The following PTPRD variants were observed in gnomAD, a reference collection of about 807,000 sequenced individuals.
PTPRD encodes the protein receptor-type tyrosine-protein phosphatase delta.
In PTPRD, 34 loss-of-function variants were observed where a neutral mutation model predicts 214.5. The ratio of observed to expected loss-of-function variants is 0.16; its 90% CI spans 0.12 to 0.21. PTPRD has a LOEUF of 0.21. Among genes scored for constraint, PTPRD ranks in the 10% least tolerant of loss-of-function variants. The pLI is 1.00. For missense variants in PTPRD, 2,545 were observed against 2,398.7 expected (o/e 1.06, Z -1.27); for synonymous variants, 1,128 against 845.7 (o/e 1.33, Z -5.79).
chr9:9,919,880 G>A (rs937528171), intron 5 of PTPRD, among the ~76,000 whole-genome samples: 1 of 152,064 alleles, frequency 6.6e-6, no homozygotes. Context: ...GTGACATGTG[G>A]ATATAATAGG....
chr9:8,820,139 AT>A (rs2097020573), intron 11 of PTPRD, among the ~76,000 whole-genome samples: 1 of 152,196 alleles, frequency 6.6e-6, no homozygotes, highest in African/African-American at 2.4e-5. Context: ...CTTTCTATAT[AT>A]ACATATATGT....
chr9:10,171,216 T>G (rs929791837), intron 3 of PTPRD, among the ~76,000 whole-genome samples: 3 of 152,196 alleles, frequency 2.0e-5, no homozygotes, highest in African/African-American at 7.2e-5. Context: ...ATGGTTTGGC[T>G]GTGTCCCCAC....
intron 35 of PTPRD, among the ~76,000 whole-genome samples, chr9:8,426,149 G>A (rs1415307619): frequency 6.6e-6 from 1 of 152,186 alleles, no homozygotes; most frequent in Non-Finnish European, 1.5e-5. Context: ...AGCCACTTCT[G>A]TTGACCAAGC....
intron 8 of PTPRD, among the ~76,000 whole-genome samples, chr9:9,524,249 AGTTT>A (rs1347706082): frequency 6.6e-6 from 1 of 151,944 alleles, no homozygotes; most frequent in Non-Finnish European, 1.5e-5. Flanking sequence ...GCTTACCAAC[AGTTT>A]GTTTCTTTCC....
At position 8,484,462 on chromosome 9, in the gene PTPRD, G is replaced by A. The variant is rs1591687642; in HGVS notation, c.3154-84C>T. ...TCTAAACCAATGTGCACTAGCTTTT[G>A]GAAAATGTATATATAGTCAATTCTA... On this transcript the variant is annotated intron_variant, in intron 29 of 45. Transcript: ENST00000381196. 18 of 1,363,082 alleles carry A rather than the reference G, an allele frequency of 1.3e-5. No homozygotes were observed. In the East Asian group the frequency reaches 4.1e-4, roughly 31 times the overall value. The allele number at this position is 1,363,082 out of a possible 1,614,324, so 84.4% of individuals were successfully genotyped here.
At chr9:10,439,782 A>G (rs2098747079) in intron 2 of PTPRD, among the ~76,000 whole-genome samples, 1 of 151,682 alleles carries the variant, frequency 6.6e-6, no homozygotes. Flanking sequence ...TGGTGGGAGG[A>G]GCCAAGGGAG....
At chr9:8,608,813 T>G (rs1348473159) in intron 14 of PTPRD, among the ~76,000 whole-genome samples, 1 of 152,232 alleles carries the variant, frequency 6.6e-6, no homozygotes, top group Non-Finnish European at 1.5e-5. Context: ...TGGAAATTTC[T>G]CTTCAGGGAT....
At chr9:8,924,502 ATTC>A (rs902364690) in intron 11 of PTPRD, among the ~76,000 whole-genome samples, 3 of 152,184 alleles carry the variant, frequency 2.0e-5, no homozygotes, top group South Asian at 2.1e-4. Flanking sequence ...GGAGGCAAAT[ATTC>A]TTCTTGTAAC....
At chr9:9,366,415 C>A (rs2057905425) in intron 9 of PTPRD, among the ~76,000 whole-genome samples, 1 of 151,374 alleles carries the variant, frequency 6.6e-6, no homozygotes, top group African/African-American at 2.4e-5. Flanking sequence ...AAATGATTTT[C>A]ATTTCCTGGA....
intron 3 of PTPRD, among the ~76,000 whole-genome samples, chr9:10,263,902 GC>G (rs1000443033): frequency 4.6e-5 from 7 of 152,110 alleles, no homozygotes; most frequent in Non-Finnish European, 1.0e-4. Flanking sequence ...GCTGTTTGCT[GC>G]CTAGGGACTT....
chr9:8,966,476 A>G (rs1382635333), intron 11 of PTPRD, among the ~76,000 whole-genome samples: 1 of 152,010 alleles, frequency 6.6e-6, no homozygotes, highest in African/African-American at 2.4e-5. Flanking sequence ...TCCATCTGAT[A>G]TTCGACAAAG....
chr9:10,456,426 T>C (rs1407531640), intron 2 of PTPRD, among the ~76,000 whole-genome samples: 1 of 151,952 alleles, frequency 6.6e-6, no homozygotes, highest in Non-Finnish European at 1.5e-5. Context: ...TTTCAATTTA[T>C]TTTTGTTTGT....
chr9:8,628,804 C>T (rs529599926), intron 14 of PTPRD, among the ~76,000 whole-genome samples: 2 of 151,920 alleles, frequency 1.3e-5, no homozygotes, highest in South Asian at 2.1e-4. Context: ...AGTAGGTACA[C>T]ATAAGTATCA....
chr9:9,698,764 G>A (rs572781095), intron 7 of PTPRD, among the ~76,000 whole-genome samples: 1 of 152,264 alleles, frequency 6.6e-6, no homozygotes, highest in South Asian at 2.1e-4. Flanking sequence ...TTGTAATGGA[G>A]TATCCATAAG....
intron 3 of PTPRD, among the ~76,000 whole-genome samples, chr9:10,141,630 T>C (rs1378710873): frequency 1.3e-5 from 2 of 152,064 alleles, no homozygotes; most frequent in Non-Finnish European, 2.9e-5. Context: ...GAATATTCCA[T>C]GCTCATGGGT....
chr9:10,292,564 C>A (rs1204848619), intron 3 of PTPRD, among the ~76,000 whole-genome samples: 2 of 151,970 alleles, frequency 1.3e-5, no homozygotes, highest in Non-Finnish European at 2.9e-5. Context: ...AAATAGCCCA[C>A]AGAAAACATG....
At chr9:9,947,608 TTA>T (rs35525642) in intron 4 of PTPRD, among the ~76,000 whole-genome samples, 2,894 of 59,006 alleles carry the variant, frequency 0.049, 338 homozygotes, top group East Asian at 0.24. Flanking sequence ...TATATATATT[TTA>T]TATATATATA....
intron 39 of PTPRD, among the ~76,000 whole-genome samples, chr9:8,369,236 G>A (rs1431461852): frequency 6.6e-6 from 1 of 152,040 alleles, no homozygotes; most frequent in Non-Finnish European, 1.5e-5. Context: ...TAGCTTCTTT[G>A]GATCACAAGG....
rs547781082 is a variant in PTPRD, at chr9:9,023,464, A to G, written c.-142-4729T>C. Among the ~76,000 whole-genome samples the G allele has an allele frequency of 3.9e-5, 6 of 152,112 alleles. No individual in the cohort carries two copies. In the South Asian group the frequency reaches 1.3e-3, roughly 32 times the overall value. ...GACCTGCTCTTTGTGGATTACTTGG[A>G]CCGAAACACAATTATGAAATATGAT... On this transcript the variant is annotated intron_variant, in intron 10 of 45. Transcript: ENST00000381196.
Sources: gnomAD v4.1 joint callset for allele counts (sites outside exome capture counted in the v4.1 genomes callset) on GRCh38, gnomAD v4.1.1 for gene constraint, MANE v1.5 for transcripts, NCBI Gene and HGNC (gene_info 2026-07-23, HGNC 2026-07-21) for gene names.